The following MAP1LC3A variants were observed in gnomAD, a reference collection of about 807,000 sequenced individuals.
The protein encoded by MAP1LC3A is microtubule associated protein 1 light chain 3 alpha.
In MAP1LC3A, 10 loss-of-function variants were observed where a neutral mutation model predicts 15.2. The ratio of observed to expected loss-of-function variants is 0.66; its 90% CI spans 0.41 to 1.12. The LOEUF (loss-of-function observed/expected upper bound fraction) is 1.12. MAP1LC3A is among the 50% of genes most tolerant of loss of function. The pLI is 0.00. For synonymous variants in MAP1LC3A, 63 were observed against 64.3 expected, an observed-to-expected ratio of 0.98 and a Z score of 0.10; for missense variants, 138 against 167.3, an observed-to-expected ratio of 0.82 and a Z score of 0.97.
intron 3 of MAP1LC3A, 95 bp downstream of exon 3, chr20:34,559,548 AC>A: frequency 7.7e-7 from 1 of 1,304,840 alleles, no homozygotes; most frequent in Non-Finnish European, 1.1e-6. Context: ...GGGTGATGGG[AC>A]CGGGCGGTGG....
intron 2 of MAP1LC3A, among the ~76,000 whole-genome samples, chr20:34,552,140 G>C (rs1246364476): frequency 3.3e-5 from 5 of 152,228 alleles, no homozygotes; most frequent in Non-Finnish European, 7.3e-5. Context: ...TGGGATTACA[G>C]GCGAGTACTG....
At chr20:34,556,863 A>C (rs1226412138), upstream of MAP1LC3A, among the ~76,000 whole-genome samples, 1 of 152,224 alleles carries the variant, frequency 6.6e-6, no homozygotes, top group Non-Finnish European at 1.5e-5. Context: ...GGCCTCCCAA[A>C]GTGCTGGGAT....
At chr20:34,552,409 T>C (rs1253603326) in intron 2 of MAP1LC3A, among the ~76,000 whole-genome samples, 1 of 152,254 alleles carries the variant, frequency 6.6e-6, no homozygotes, top group Non-Finnish European at 1.5e-5. Flanking sequence ...TTATACAGCA[T>C]ATTGGAAGGC....
intron 2 of MAP1LC3A, among the ~76,000 whole-genome samples, chr20:34,551,946 C>G (rs1211609355): frequency 6.6e-6 from 1 of 152,182 alleles, no homozygotes; most frequent in Admixed American, 6.5e-5. Context: ...CTGCAACTTA[C>G]TCTGAAATTC....
rs1402964142 is a variant in MAP1LC3A, at chr20:34,558,722, G to T, written c.-147G>T. On this transcript the variant is annotated 5_prime_UTR_variant, in exon 1 of 4. Coordinates refer to ENST00000360668, the MANE Select transcript of MAP1LC3A (RefSeq NM_032514.4). The surrounding 1 kb of genome is among the most constrained non-coding windows in gnomAD (Gnocchi z 4.3). Reference sequence around the variant, plus strand: ...ATGTTGTGACCTGACGTCACCGGGCGAGTTACCTCCCGCAGCCGCAGCCGC... The same window carrying T: ...ATGTTGTGACCTGACGTCACCGGGCTAGTTACCTCCCGCAGCCGCAGCCGC... 7.7e-6 allele frequency: 10 copies of T among 1,293,206 alleles called. No homozygotes were observed. Among genetic ancestry groups the T allele is most frequent in the African/African-American group, 3.1e-5 (2 of 64,308 alleles). The allele number at this position is 1,293,206 out of a possible 1,614,324, so 80.1% of individuals were successfully genotyped here. A position where few individuals can be genotyped will look rare whatever the true frequency, so the allele number is the denominator to read the frequency against.
chr20:34,549,819 C>G, intron 1 of MAP1LC3A: 1 of 625,368 alleles, frequency 1.6e-6, no homozygotes, highest in East Asian at 2.8e-5. Flanking sequence ...TTCAGCACTT[C>G]TGGTTCAGCC....
chr20:34,550,087 A>G (rs978884817), intron 2 of MAP1LC3A: 30 of 1,552,064 alleles, frequency 1.9e-5, no homozygotes, highest in Admixed American at 5.0e-5. Context: ...GTCTGTCCAC[A>G]CTCGCGGTCA....
chr20:34,559,987 C>G lies in MAP1LC3A; in HGVS notation c.*89C>G. 1.4e-6 allele frequency: 2 copies of G among 1,415,366 alleles called. No homozygotes were observed. Among genetic ancestry groups the G allele is most frequent in the Non-Finnish European group, 1.9e-6 (2 of 1,048,752 alleles). The allele number at this position is 1,415,366 out of a possible 1,614,324, so 87.7% of individuals were successfully genotyped here. A position where few individuals can be genotyped will look rare whatever the true frequency, so the allele number is the denominator to read the frequency against. On this transcript the variant is annotated 3_prime_UTR_variant, in exon 4 of 4. Transcript: ENST00000360668. Reference sequence around the variant, plus strand: ...TCCTGGTTCCTGAACTGAGCTGCCTCTACCGTGGTGGGCTGGGCAGGCATG... The same window carrying G: ...TCCTGGTTCCTGAACTGAGCTGCCTGTACCGTGGTGGGCTGGGCAGGCATG...
At chr20:34,550,099 C>A (rs1208027167) in intron 2 of MAP1LC3A, 4 of 1,498,532 alleles carry the variant, frequency 2.7e-6, no homozygotes, top group Middle Eastern at 1.8e-4. Context: ...TCGCGGTCAT[C>A]AGTGGCCAAG....
chr20:34,559,275 A>ACCCCCC lies in MAP1LC3A; in HGVS notation c.96+17_96+18insCCCCCC. 2 of 1,583,448 alleles carry ACCCCCC rather than the reference A, an allele frequency of 1.3e-6. No homozygotes were observed. Among genetic ancestry groups the ACCCCCC allele is most frequent in the Non-Finnish European group, 8.6e-7 (1 of 1,166,230 alleles). On this transcript the variant is annotated intron_variant, in intron 2 of 3. Coordinates refer to ENST00000360668, the MANE Select transcript of MAP1LC3A (RefSeq NM_032514.4). ...CCAGCAAAATCCCGGTGAGTCCCGC[A>ACCCCCC]CCCCCAGCCCTGCCCCGCCCCCGCC...
At chr20:34,551,631 A>C (rs959054563) in intron 2 of MAP1LC3A, among the ~76,000 whole-genome samples, 1 of 151,908 alleles carries the variant, frequency 6.6e-6, no homozygotes, top group African/African-American at 2.4e-5. Context: ...ACGCCTGGCT[A>C]ATTTTTTCTA....
intron 1 of MAP1LC3A, among the ~76,000 whole-genome samples, chr20:34,547,165 C>T (rs1981764706): frequency 6.6e-6 from 1 of 152,070 alleles, no homozygotes; most frequent in Non-Finnish European, 1.5e-5. Flanking sequence ...CCTGGGGACG[C>T]GGGCGGGGAG....
chr20:34,558,522 C>A, upstream of MAP1LC3A: 1 of 1,083,476 alleles, frequency 9.2e-7, no homozygotes, highest in Non-Finnish European at 1.1e-6. The surrounding 1 kb of genome is among the most constrained non-coding windows in gnomAD (Gnocchi z 4.3). Flanking sequence ...GTTCGGGCTG[C>A]GGGAGAAGCT....
chr20:34,549,890 C>A, intron 1 of MAP1LC3A: 4 of 1,124,452 alleles, frequency 3.6e-6, no homozygotes, highest in Admixed American at 1.7e-5. Flanking sequence ...TGATTGCAGG[C>A]CCTGTTTCCC....
intron 2 of MAP1LC3A, among the ~76,000 whole-genome samples, chr20:34,552,438 G>A (rs1214824049): frequency 6.6e-6 from 1 of 152,254 alleles, no homozygotes; most frequent in East Asian, 1.9e-4. Context: ...GGAGACACTT[G>A]AACCAAAACT....
At chr20:34,557,056 CT>C (rs1294494429), upstream of MAP1LC3A, among the ~76,000 whole-genome samples, 1 of 152,200 alleles carries the variant, frequency 6.6e-6, no homozygotes, top group Non-Finnish European at 1.5e-5. Flanking sequence ...ATAGGTACAT[CT>C]TTTGGTTAGT....
rs577631634 is a variant in MAP1LC3A, at chr20:34,547,862, C to T, written c.-74+946C>T. On this transcript the variant is annotated intron_variant, in intron 1 of 4. Coordinates refer to the MAP1LC3A transcript ENST00000374837. ...CTTGAGCTCCTGCGGCCTCCCTAAA[C>T]GCTGGGATTGCAGGTGTGAGCCACC... 4.9e-4 allele frequency among the ~76,000 whole-genome samples: 75 copies of T among 152,252 alleles called. 1 individual carries two copies. The highest frequency in any genetic ancestry group is 1.8e-3 in the African/African-American group (74 of 41,556).
intron 1 of MAP1LC3A, among the ~76,000 whole-genome samples, chr20:34,549,649 T>C (rs1018065988): frequency 6.6e-6 from 1 of 152,198 alleles, no homozygotes; most frequent in African/African-American, 2.4e-5. Flanking sequence ...TTCCCATTTT[T>C]AATGACATCC....
upstream of MAP1LC3A, chr20:34,558,529 A>G: frequency 1.1e-5 from 12 of 1,093,688 alleles, no homozygotes; most frequent in Non-Finnish European, 1.3e-5. This position sits in a 1 kb window ranked among gnomAD's most constrained non-coding sequence, Gnocchi z 4.3. Context: ...CTGCGGGAGA[A>G]GCTCCCGCGC....
Sources: gnomAD v4.1 joint callset for allele counts (sites outside exome capture counted in the v4.1 genomes callset) on GRCh38, gnomAD v4.1.1 for gene constraint, Gnocchi (gnomAD v3.1) non-coding constraint, MANE v1.5 for transcripts, NCBI Gene and HGNC (gene_info 2026-07-23, HGNC 2026-07-21) for gene names.